The following ABCA13 variants were observed in gnomAD, a reference collection of about 807,000 sequenced individuals.
The protein encoded by ABCA13 is ATP binding cassette subfamily A member 13.
A neutral mutation model predicts 478.7 loss-of-function variants in ABCA13; 476 were observed. The ratio of observed to expected loss-of-function variants is 0.99; its 90% CI spans 0.92 to 1.07. ABCA13 has a LOEUF of 1.07. Ranked by LOEUF, ABCA13 falls within the 50% of genes least tolerant of loss-of-function variation. The probability of loss-of-function intolerance (pLI) is 0.00; values close to 1 mark genes in which losing one functional copy is unlikely to be tolerated. For missense variants in ABCA13, 6,060 were observed against 5,910.6 expected, an observed-to-expected ratio of 1.03 and a Z score of -0.83; for synonymous variants, 2,252 against 2,158.9, an observed-to-expected ratio of 1.04 and a Z score of -1.20.
At chr7:48,387,057 T>C (rs901062337) in intron 35 of ABCA13, among the ~76,000 whole-genome samples, 15 of 152,098 alleles carry the variant, frequency 9.9e-5, no homozygotes, top group Admixed American at 6.5e-4. Context: ...TTTCTATTTT[T>C]TGATTAGAAT....
At chr7:48,408,282 T>C (rs1336152232) in intron 39 of ABCA13, among the ~76,000 whole-genome samples, 1 of 152,228 alleles carries the variant, frequency 6.6e-6, no homozygotes, top group African/African-American at 2.4e-5. Context: ...ACCATTCTAC[T>C]CTTTGCTTCT....
At chr7:48,299,175 G>T (rs774352111) in intron 23 of ABCA13, among the ~76,000 whole-genome samples, 1 of 152,188 alleles carries the variant, frequency 6.6e-6, no homozygotes, top group African/African-American at 2.4e-5. Context: ...AGCACTTCTA[G>T]TTGGGGTTTT....
chr7:48,645,373 G>A, intron 61 of ABCA13, 44 bp from the exon 62 acceptor site: 2 of 1,460,808 alleles, frequency 1.4e-6, no homozygotes, highest in Non-Finnish European at 1.9e-6. Context: ...AGACCAAAGG[G>A]TTGTATTCTT....
At chr7:48,408,571 CT>C (rs200448314) in intron 39 of ABCA13, among the ~76,000 whole-genome samples, 3 of 152,040 alleles carry the variant, frequency 2.0e-5, no homozygotes, top group South Asian at 2.1e-4. Context: ...GTAAATGCAT[CT>C]TTTTTTTAAT....
At chr7:48,234,179 C>T (rs372241108) in intron 8 of ABCA13, 28 bp downstream of exon 8, 106 of 1,613,554 alleles carry the variant, frequency 6.6e-5, no homozygotes, top group South Asian at 7.7e-5. Flanking sequence ...CTTCTCACAC[C>T]GCTGGGCCTT....
intron 29 of ABCA13, among the ~76,000 whole-genome samples, chr7:48,346,807 A>G (rs1808179352): frequency 6.6e-6 from 1 of 152,218 alleles, no homozygotes; most frequent in Non-Finnish European, 1.5e-5. Flanking sequence ...GTGAAACAAG[A>G]TAAATAGTGC....
At chr7:48,326,898 A>G (rs1184596197) in intron 27 of ABCA13, among the ~76,000 whole-genome samples, 3 of 152,224 alleles carry the variant, frequency 2.0e-5, no homozygotes, top group African/African-American at 7.2e-5. Flanking sequence ...TATGATGGGC[A>G]GAGATCAGCT....
chr7:48,177,398 C>T (rs923388360), intron 1 of ABCA13, among the ~76,000 whole-genome samples: 4 of 152,182 alleles, frequency 2.6e-5, no homozygotes, highest in African/African-American at 4.8e-5. Flanking sequence ...TCACTGGCTG[C>T]GGGTCAGTAG....
chr7:48,330,137 C>T lies in ABCA13; in HGVS notation c.10000-5285C>T, dbSNP rs548046930. On this transcript the variant is annotated intron_variant, in intron 27 of 61. Coordinates refer to ENST00000435803, the MANE Select transcript of ABCA13 (RefSeq NM_152701.5). ...TTTATCTATCCATCCACACATCCAT[C>T]CATCCATTCATCTATTTGTTTATCT... 5.3e-5 allele frequency among the ~76,000 whole-genome samples: 8 copies of T among 150,872 alleles called. No homozygotes were observed. In the East Asian group the frequency reaches 1.6e-3, roughly 31 times the overall value.
chr7:48,481,052 G>T lies in ABCA13; in HGVS notation c.12992G>T (p.Ser4331Ile). The change falls in exon 46 of 62, where the codon AGT (serine) becomes ATT (isoleucine). Residue 4331 changes from serine (S) to isoleucine (I), a missense_variant. By Grantham distance (142) the Ser-to-Ile change is moderately radical. This residue lies in a region of ABCA13 where 1,627 missense variants were observed against 1,571.0 expected (regional missense o/e 1.04). Coordinates refer to ENST00000435803, the MANE Select transcript of ABCA13 (RefSeq NM_152701.5). ...SCGCLKCPNR[S>I]ASAPYLTNHL... ...CAATTTCAGAAGTGTCCAAATAGAA[G>T]TGCTAGTGCTCCCTACCTGACCAAC... The T allele has an allele frequency of 6.3e-7, 1 of 1,596,062 alleles. No homozygotes were observed. Among genetic ancestry groups the T allele is most frequent in the Non-Finnish European group, 8.5e-7 (1 of 1,170,562 alleles).
chr7:48,490,121 C>A (rs1829710336), intron 48 of ABCA13, among the ~76,000 whole-genome samples: 1 of 152,034 alleles, frequency 6.6e-6, no homozygotes. Flanking sequence ...CCTTCTACAC[C>A]AGTTTTTTAA....
chr7:48,389,178 C>T lies in ABCA13; in HGVS notation c.11612C>T (p.Thr3871Ile). The T allele has an allele frequency of 6.2e-7, 1 of 1,613,926 alleles. No homozygotes were observed. The highest frequency in any genetic ancestry group is 8.5e-7 in the Non-Finnish European group (1 of 1,179,824). The stretch of plus-strand genomic sequence containing the variant: ...CTGACCTTCTACAGAGACCAAATCA[C>T]CGCCCTGCTGGGGACAAACGGTGCC... The part of the protein sequence containing the change: ...LSLTFYRDQI[T>I]ALLGTNGAGK... The change falls in exon 37 of 62, where the codon ACC becomes ATC. Residue 3871 changes from threonine (T) to isoleucine (I), a missense_variant. Around this residue, in one of 3 missense-constraint regions of ABCA13, gnomAD observed 1,627 missense variants for 1,571.0 expected, o/e 1.04. Transcript: ENST00000435803.
intron 29 of ABCA13, among the ~76,000 whole-genome samples, chr7:48,349,838 A>G (rs1482042811): frequency 1.3e-5 from 2 of 152,214 alleles, no homozygotes; most frequent in Non-Finnish European, 1.5e-5. Context: ...TCAGTGAGAT[A>G]CAGGAGGGCC....
intron 42 of ABCA13, among the ~76,000 whole-genome samples, chr7:48,434,987 G>A (rs1333926105): frequency 6.6e-6 from 1 of 151,744 alleles, no homozygotes; most frequent in Non-Finnish European, 1.5e-5. Flanking sequence ...TAGCTATTCA[G>A]GGCCTCTTGG....
At chr7:48,476,244 A>G (rs1828074816) in intron 45 of ABCA13, among the ~76,000 whole-genome samples, 2 of 152,026 alleles carry the variant, frequency 1.3e-5, no homozygotes, top group East Asian at 1.9e-4. Flanking sequence ...ACACATCTCT[A>G]TCTCCATTGT....
chr7:48,597,743 T>C (rs1790446146), intron 58 of ABCA13, among the ~76,000 whole-genome samples: 1 of 152,202 alleles, frequency 6.6e-6, no homozygotes. Context: ...TTTAGTGAAA[T>C]TTTTATTCCA....
intron 1 of ABCA13, among the ~76,000 whole-genome samples, chr7:48,186,901 G>T (rs1282469610): frequency 6.6e-6 from 1 of 151,654 alleles, no homozygotes; most frequent in Non-Finnish European, 1.5e-5. Context: ...ATTTGGTCTG[G>T]AATTCATTGC....
intron 32 of ABCA13, among the ~76,000 whole-genome samples, chr7:48,371,348 T>A (rs762296899): frequency 6.6e-6 from 1 of 152,206 alleles, no homozygotes; most frequent in Non-Finnish European, 1.5e-5. Flanking sequence ...GGGAATAGCA[T>A]TGAATCTATA....
At chr7:48,254,709 C>A (rs1161474365) in intron 15 of ABCA13, among the ~76,000 whole-genome samples, 1 of 152,060 alleles carries the variant, frequency 6.6e-6, no homozygotes. Context: ...TTTGAGCATG[C>A]TATGAAACTT....
Sources: allele counts gnomAD v4.1 joint callset (sites outside exome capture counted in the v4.1 genomes callset), GRCh38; gene constraint gnomAD v4.1.1; regional missense constraint gnomAD v4.1.1; transcripts MANE v1.5; gene names NCBI Gene and HGNC (gene_info 2026-07-23, HGNC 2026-07-21).